GEMIN5: variants seen among roughly 807,000 people sequenced by gnomAD.
The protein encoded by GEMIN5 is gem nuclear organelle associated protein 5.
GEMIN5 carries 124 observed loss-of-function variants against 176.9 expected under a neutral mutation model. The ratio of observed to expected loss-of-function variants is 0.70; its 90% confidence interval spans 0.61 to 0.81. The LOEUF (loss-of-function observed/expected upper bound fraction) is 0.81. Among genes scored for constraint, GEMIN5 ranks in the 40% least tolerant of loss-of-function variants. GEMIN5 has a pLI of 0.00. For synonymous variants in GEMIN5, 673 were observed against 665.2 expected, an observed-to-expected ratio of 1.01 and a Z score of -0.18; for missense variants, 1,843 against 1,814.6, an observed-to-expected ratio of 1.02 and a Z score of -0.28.
chr5:154,888,086 G>A lies in GEMIN5; in HGVS notation c.*124C>T. 2.3e-6 allele frequency: 2 copies of A among 885,422 alleles called. No homozygotes were observed. The highest frequency in any genetic ancestry group is 1.8e-6 in the Non-Finnish European group (1 of 554,912). 54.8% of individuals were successfully genotyped at this position (885,422 alleles called of 1,614,324 possible). A position where few individuals can be genotyped will look rare whatever the true frequency, so the allele number is the denominator to read the frequency against. On this transcript the variant is annotated 3_prime_UTR_variant, in exon 28 of 28. Coordinates refer to ENST00000285873, the MANE Select transcript of GEMIN5 (RefSeq NM_015465.5). ...GTTGATTCAAACTTAATCCTTGTTT[G>A]TATTCTTTTGGATTACTGCAAAAAC... is the stretch of plus-strand genomic sequence containing the variant.
chr5:154,903,781 G>A (rs1223462569), intron 18 of GEMIN5, among the ~76,000 whole-genome samples: 1 of 151,500 alleles, frequency 6.6e-6, no homozygotes, highest in Middle Eastern at 3.4e-3. Flanking sequence ...TCCTGGGGAG[G>A]AGAAACAGAG....
In GEMIN5 at chr5:154,918,085, A is replaced by C. The variant is rs1582667263; in HGVS notation, c.1600-81T>G. ...GACAGCATGAGAAAAAAAAATCCCTAGAGTTTAAAAACGTTTTAATTATAC... is the reference window on the plus strand; with the variant it reads ...GACAGCATGAGAAAAAAAAATCCCTCGAGTTTAAAAACGTTTTAATTATAC... On this transcript the variant is annotated intron_variant, in intron 11 of 27. Coordinates refer to ENST00000285873, the MANE Select transcript of GEMIN5 (RefSeq NM_015465.5). 8.2e-6 allele frequency: 7 copies of C among 854,314 alleles called. No homozygotes were observed. In the East Asian group the frequency reaches 1.7e-4, roughly 21 times the overall value. 52.9% of individuals were successfully genotyped at this position (854,314 alleles called of 1,614,324 possible). A position where few individuals can be genotyped will look rare whatever the true frequency, so the allele number is the denominator to read the frequency against.
chr5:154,913,082 CA>C, intron 13 of GEMIN5, 44 bp from the exon 14 acceptor site: 2 of 1,514,954 alleles, frequency 1.3e-6, no homozygotes, highest in South Asian at 1.2e-5. Context: ...CTACTAATAA[CA>C]AAAAACAAAA....
rs1040134824 is a variant in GEMIN5 at position 154,928,591 on chromosome 5, G to A, written c.850C>T (p.Arg284Cys). The A allele has an allele frequency of 6.2e-6, 10 of 1,613,302 alleles. No individual in the cohort carries two copies. Among genetic ancestry groups the A allele is most frequent in the African/African-American group, 2.7e-5 (2 of 74,892 alleles). ...GGGIDPTVKE[R>C]LWLTLHWPSN... Reference sequence around the variant, plus strand: ...GGCCAATGGAGTGTCAACCAAAGGCGCTCTTTAACAGTTGGGTCTATACCC... The same window carrying A: ...GGCCAATGGAGTGTCAACCAAAGGCACTCTTTAACAGTTGGGTCTATACCC... Residue 284 changes from arginine to cysteine, a missense_variant, in exon 6 of 28, where the codon CGC (arginine) becomes TGC (cysteine). Coordinates refer to ENST00000285873, the MANE Select transcript of GEMIN5 (RefSeq NM_015465.5).
chr5:154,907,865 T>C (rs763890402), intron 15 of GEMIN5, 47 bp from the exon 16 acceptor site: 5 of 1,360,548 alleles, frequency 3.7e-6, no homozygotes, highest in Non-Finnish European at 3.1e-6. Flanking sequence ...CATTCTTGGT[T>C]AAAAGCACTC....
Position 154,928,674 on chromosome 5 carries a change from G to C in GEMIN5, c.782-15C>G, listed in dbSNP as rs772121157. The C allele has an allele frequency of 2.5e-6, 4 of 1,612,556 alleles. No individual in the cohort carries two copies. The highest frequency in any genetic ancestry group is 2.5e-6 in the Non-Finnish European group (3 of 1,179,434). On this transcript the variant is annotated splice_polypyrimidine_tract_variant and intron_variant, in intron 5 of 27. Transcript: ENST00000285873. The stretch of plus-strand genomic sequence containing the variant: ...AATCATCACCCCTGCAGATTAAAAA[G>C]AAGGCCAGTGGGCACTCAAGACAGT...
intron 19 of GEMIN5, 53 bp from the exon 20 acceptor site, chr5:154,902,729 G>A: frequency 6.4e-7 from 1 of 1,571,220 alleles, no homozygotes; most frequent in South Asian, 1.1e-5. Flanking sequence ...ATCTGTTACT[G>A]ACTTGTAGGA....
intron 26 of GEMIN5, 38 bp from the exon 27 acceptor site, chr5:154,889,455 G>T: frequency 8.6e-7 from 1 of 1,156,562 alleles, no homozygotes; most frequent in Non-Finnish European, 1.3e-6. Flanking sequence ...TGTATGTCTT[G>T]CCCTGGGTAA....
At chr5:154,904,437 A>C in intron 18 of GEMIN5, 70 bp downstream of exon 18, 3 of 1,304,806 alleles carry the variant, frequency 2.3e-6, no homozygotes, top group Non-Finnish European at 3.3e-6. Flanking sequence ...TCATTTAATA[A>C]ATAAGTAAAC....
chr5:154,935,601 T>C (rs1406672038), intron 3 of GEMIN5, among the ~76,000 whole-genome samples: 1 of 152,064 alleles, frequency 6.6e-6, no homozygotes, highest in Non-Finnish European at 1.5e-5. Flanking sequence ...TAAAGGTTGA[T>C]TGGAGGAGTT....
chr5:154,931,461 G>T lies in GEMIN5; in HGVS notation c.778C>A (p.Arg260=). 2 of 1,603,872 alleles carry T rather than the reference G, an allele frequency of 1.2e-6. No individual in the cohort carries two copies. The highest frequency in any genetic ancestry group is 1.7e-6 in the Non-Finnish European group (2 of 1,173,162). The stretch of plus-strand genomic sequence containing the variant: ...ACAAAAGAAAGATCAATCTTACCTC[G>T]GCCTCTAGAACAGCTCCAGATTCGA... ...TIRIWSCSRG[R]GVMILKLPFL... The change falls in exon 5 of 28, where the codon CGA becomes AGA. Residue 260 remains arginine, a synonymous_variant. Coordinates refer to ENST00000285873, the MANE Select transcript of GEMIN5 (RefSeq NM_015465.5).
chr5:154,937,938 T>A, intron 1 of GEMIN5, 30 bp downstream of exon 1: 4 of 1,534,724 alleles, frequency 2.6e-6, no homozygotes, highest in Non-Finnish European at 3.5e-6. Context: ...CAAAGGGCAG[T>A]AAGTCTCGGG....
In GEMIN5 at chr5:154,901,394, A is replaced by C; in HGVS notation, c.2959T>G (p.Ser987Ala). 6.2e-7 allele frequency: 1 copy of C among 1,614,150 alleles called. No individual in the cohort carries two copies. The highest frequency in any genetic ancestry group is 8.5e-7 in the Non-Finnish European group (1 of 1,179,984). The change falls in exon 21 of 28, where the codon TCC becomes GCC. Residue 987 changes from serine to alanine, a missense_variant. By Grantham distance (99) the Ser-to-Ala change is moderately conservative. Transcript: ENST00000285873. ...QYVKAASHLL[S>A]IHKVYEAVEL... is the part of the protein sequence containing the mutation. The stretch of plus-strand genomic sequence containing the variant: ...ACCGCTTCATACACTTTGTGGATGG[A>C]AAGTAGGTGAGAAGCAGCCTTGACA...
intron 15 of GEMIN5, among the ~76,000 whole-genome samples, chr5:154,908,817 G>A (rs1229071802): frequency 6.6e-6 from 1 of 152,186 alleles, no homozygotes; most frequent in Non-Finnish European, 1.5e-5. Context: ...TTAAGGGTGT[G>A]TCTTGCAAGT....
chr5:154,905,295 G>A (rs1484268826), intron 17 of GEMIN5, 68 bp downstream of exon 17: 20 of 667,782 alleles, frequency 3.0e-5, no homozygotes, highest in Admixed American at 5.3e-5. Context: ...TTTGACAGTT[G>A]CGTGTAATAT....
intron 25 of GEMIN5, 151 bp downstream of exon 25, chr5:154,892,236 G>A: frequency 1.5e-6 from 1 of 650,830 alleles, no homozygotes; most frequent in South Asian, 2.1e-5. Flanking sequence ...GTTCTTAAAA[G>A]CTTCGGTAAG....
At chr5:154,916,511 T>C (rs1021995404) in intron 13 of GEMIN5, among the ~76,000 whole-genome samples, 1 of 152,068 alleles carries the variant, frequency 6.6e-6, no homozygotes, top group African/African-American at 2.4e-5. Context: ...TTTTTTGAGA[T>C]AGGGTGTGCT....
chr5:154,926,690 C>T (rs1764044412), intron 7 of GEMIN5, among the ~76,000 whole-genome samples: 1 of 152,172 alleles, frequency 6.6e-6, no homozygotes, highest in African/African-American at 2.4e-5. Flanking sequence ...ACAGGGGTGT[C>T]CAATCTTTTG....
intron 26 of GEMIN5, among the ~76,000 whole-genome samples, chr5:154,890,633 T>A (rs980632920): frequency 2.0e-4 from 30 of 152,052 alleles, no homozygotes; most frequent in Admixed American, 8.5e-4. Context: ...CTGGCTAATT[T>A]AAAAAAATTA....
Sources: allele counts gnomAD v4.1 joint callset (sites outside exome capture counted in the v4.1 genomes callset), GRCh38; gene constraint gnomAD v4.1.1; transcripts MANE v1.5; gene names NCBI Gene and HGNC (gene_info 2026-07-23, HGNC 2026-07-21).